Variants in PIEZO2 observed in about 807,000 individuals in gnomAD.
PIEZO2 encodes the protein piezo-type mechanosensitive ion channel component 2.
Under a neutral mutation model 337.3 loss-of-function variants are expected in PIEZO2, and 172 were observed. The ratio of observed to expected loss-of-function variants is 0.51; its 90% CI spans 0.45 to 0.58. The LOEUF is 0.58. Among genes scored for constraint, PIEZO2 ranks in the 20% least tolerant of loss-of-function variants. The pLI is 0.00. For missense variants in PIEZO2, 3,028 were observed against 3,391.3 expected (o/e 0.89, Z 2.66); for synonymous variants, 1,251 against 1,228.5 (o/e 1.02, Z -0.38).
chr18:10,875,081 T>G (rs370905502), intron 4 of PIEZO2, among the ~76,000 whole-genome samples: 1 of 152,106 alleles, frequency 6.6e-6, no homozygotes, highest in Non-Finnish European at 1.5e-5. Context: ...CCCCAAAATA[T>G]GTACAATTAT....
At position 10,953,112 on chromosome 18, in the gene PIEZO2, A is replaced by G. The variant is rs2033371215; in HGVS notation, c.286+26423T>C. ...AGATGTTTCCTTAGTATTGAGTTTT[A>G]AGAGTTCTTCATAAATACTGGATAC... On this transcript the variant is annotated intron_variant, in intron 3 of 55. Transcript: ENST00000674853. The surrounding 1 kb of genome is among the most constrained non-coding windows in gnomAD (Gnocchi z 5.2). 1.3e-5 allele frequency among the ~76,000 whole-genome samples: 2 copies of G among 152,200 alleles called. No homozygotes were observed. Among genetic ancestry groups the G allele is most frequent in the South Asian group, 4.1e-4 (2 of 4,832 alleles).
At chr18:10,840,070 AGCAT>A (rs1315429688) in intron 7 of PIEZO2, among the ~76,000 whole-genome samples, 1 of 152,208 alleles carries the variant, frequency 6.6e-6, no homozygotes, top group African/African-American at 2.4e-5. Context: ...ATATTGTGGT[AGCAT>A]GACCTGACAA....
At position 10,676,593 on chromosome 18, in the gene PIEZO2, A is replaced by C. The variant is rs1717286009; in HGVS notation, c.8081+1154T>G. 6.6e-6 allele frequency among the ~76,000 whole-genome samples: 1 copy of C among 152,204 alleles called. No individual in the cohort carries two copies. The highest frequency in any genetic ancestry group is 2.4e-5 in the African/African-American group (1 of 41,442). The stretch of plus-strand genomic sequence containing the variant: ...CCCATTCAGAGACCCAGGGGCAGGA[A>C]TAATAGTAGAAAAGGGTCTCACAGG... On this transcript the variant is annotated intron_variant, in intron 53 of 55. Coordinates refer to ENST00000674853, the MANE Select transcript of PIEZO2 (RefSeq NM_001378183.1). This position sits in a 1 kb window ranked among gnomAD's most constrained non-coding sequence, Gnocchi z 5.1.
Position 10,672,912 on chromosome 18 carries a change from A to T in PIEZO2, c.8162-39T>A. 6.6e-7 allele frequency: 1 copy of T among 1,523,132 alleles called. No individual in the cohort carries two copies. The highest frequency in any genetic ancestry group is 1.4e-5 in the African/African-American group (1 of 72,278). The allele number at this position is 1,523,132 out of a possible 1,614,324, so 94.4% of individuals were successfully genotyped here. A position where few individuals can be genotyped will look rare whatever the true frequency, so the allele number is the denominator to read the frequency against. On this transcript the variant is annotated intron_variant, in intron 54 of 55. Transcript: ENST00000674853. The surrounding 1 kb of genome is among the most constrained non-coding windows in gnomAD (Gnocchi z 4.7). ...AATGCAAAATTAAGTTGACATGAGA[A>T]TTTTAGGATTTCATGCACAGCAACA... is the stretch of plus-strand genomic sequence containing the variant.
intron 3 of PIEZO2, among the ~76,000 whole-genome samples, chr18:10,959,351 A>G (rs1241820199): frequency 6.6e-6 from 1 of 152,188 alleles, no homozygotes; most frequent in African/African-American, 2.4e-5. Flanking sequence ...ACACTTAACA[A>G]TTATCTAAAG....
intron 36 of PIEZO2, among the ~76,000 whole-genome samples, chr18:10,719,752 T>C (rs1004367571): frequency 1.3e-5 from 2 of 152,198 alleles, no homozygotes; most frequent in Admixed American, 1.3e-4. Context: ...TAGTTCTATG[T>C]TTAGTTCTTT....
Position 10,725,598 on chromosome 18 carries a change from G to C in PIEZO2, c.5029+5809C>G, listed in dbSNP as rs2036502661. On this transcript the variant is annotated intron_variant, in intron 36 of 55. Transcript: ENST00000674853. ...CCTGAGGTCGGGGCTTTCCCTTCCTGAGCAGCCGCCTCCGCCCTCTGGCTC... is the reference window on the plus strand; with the variant it reads ...CCTGAGGTCGGGGCTTTCCCTTCCTCAGCAGCCGCCTCCGCCCTCTGGCTC... 3.7e-6 allele frequency: 5 copies of C among 1,334,450 alleles called. No homozygotes were observed. In the South Asian group the frequency reaches 6.1e-5, roughly 16 times the overall value. 82.7% of individuals were successfully genotyped at this position (1,334,450 alleles called of 1,614,324 possible). A position where few individuals can be genotyped will look rare whatever the true frequency, so the allele number is the denominator to read the frequency against.
chr18:11,115,650 T>C (rs917503494), intron 1 of PIEZO2, among the ~76,000 whole-genome samples: 1 of 152,218 alleles, frequency 6.6e-6, no homozygotes, highest in Non-Finnish European at 1.5e-5. Flanking sequence ...GGAGAACATA[T>C]GTAACCTTCA....
At chr18:10,699,711 A>AC (rs56203443) in intron 43 of PIEZO2, among the ~76,000 whole-genome samples, 35,300 of 152,018 alleles carry the variant, frequency 0.23, 4,585 homozygotes, top group East Asian at 0.56. Context: ...GTGGGTATAG[A>AC]TAATAAGATT....
rs984913669 is a variant in PIEZO2, at chr18:10,731,640, G to C, written c.4915-119C>G. ...CCTCCCAACACAAACTAAACATCCC[G>C]GGCTATTTTTATTATCATGAGATTC... On this transcript the variant is annotated intron_variant, in intron 35 of 55. Transcript: ENST00000674853. The C allele has an allele frequency of 1.3e-5, 7 of 529,302 alleles. No homozygotes were observed. The East Asian group carries it at 2.4e-4, about 19-fold the overall frequency. 32.8% of individuals were successfully genotyped at this position (529,302 alleles called of 1,614,324 possible). A position where few individuals can be genotyped will look rare whatever the true frequency, so the allele number is the denominator to read the frequency against.
intron 1 of PIEZO2, among the ~76,000 whole-genome samples, chr18:11,117,037 A>T (rs1056105324): frequency 5.9e-5 from 9 of 152,218 alleles, no homozygotes; most frequent in African/African-American, 2.2e-4. Context: ...TGAACCTGGG[A>T]GGTGGAGGTT....
At chr18:10,735,829 C>T (rs531562776) in intron 34 of PIEZO2, among the ~76,000 whole-genome samples, 2 of 152,286 alleles carry the variant, frequency 1.3e-5, no homozygotes, top group South Asian at 2.1e-4. Flanking sequence ...GGCCTTATCA[C>T]GGGCATATCA....
intron 33 of PIEZO2, chr18:10,739,807 G>A (rs1280488629): frequency 1.3e-5 from 2 of 151,954 alleles, no homozygotes; most frequent in South Asian, 2.1e-4. Flanking sequence ...TCAATATTTG[G>A]GATTAAATTT....
chr18:10,742,117 T>C (rs914298387), intron 32 of PIEZO2, among the ~76,000 whole-genome samples: 5 of 152,146 alleles, frequency 3.3e-5, no homozygotes, highest in African/African-American at 1.2e-4. Context: ...ATCTCGCCAC[T>C]GCACTCCAGC....
At position 11,099,703 on chromosome 18, in the gene PIEZO2, C is replaced by T. The variant is rs1371095283; in HGVS notation, c.65-33481G>A. On this transcript the variant is annotated intron_variant, in intron 1 of 55. Transcript: ENST00000674853. This position sits in a 1 kb window ranked among gnomAD's most constrained non-coding sequence, Gnocchi z 5.4. ...GCTGATCTTGACCTCAGGTGATCTG[C>T]CCACCTCGGCCTCCCAAAGTACTGG... Among the ~76,000 whole-genome samples, 2 of 152,192 alleles carry T rather than the reference C, an allele frequency of 1.3e-5. No homozygotes were observed. The highest frequency in any genetic ancestry group is 2.4e-5 in the African/African-American group (1 of 41,440).
chr18:10,870,177 G>A lies in PIEZO2; in HGVS notation c.492+1076C>T, dbSNP rs1454502748. On this transcript the variant is annotated intron_variant, in intron 5 of 55. Coordinates refer to ENST00000674853, the MANE Select transcript of PIEZO2 (RefSeq NM_001378183.1). The surrounding 1 kb of genome is among the most constrained non-coding windows in gnomAD (Gnocchi z 5.3). ...AGGTCTGAGCCACAGTGCCTGGCTAGACAATATCATTTCTAGTTTGCATAG... is the reference window on the plus strand; with the variant it reads ...AGGTCTGAGCCACAGTGCCTGGCTAAACAATATCATTTCTAGTTTGCATAG... Among the ~76,000 whole-genome samples the A allele has an allele frequency of 6.6e-6, 1 of 152,160 alleles. No individual in the cohort carries two copies. The highest frequency in any genetic ancestry group is 1.5e-5 in the Non-Finnish European group (1 of 68,024).
chr18:11,078,283 A>C lies in PIEZO2; in HGVS notation c.65-12061T>G, dbSNP rs910080004. 1.3e-5 allele frequency among the ~76,000 whole-genome samples: 2 copies of C among 152,268 alleles called. No homozygotes were observed. Among genetic ancestry groups the C allele is most frequent in the Middle Eastern group, 6.8e-3 (2 of 294 alleles). ...TTCCTACTTTCAAGAACTTAGTAAAAATAGAATTTTTTGTAGACTTTTACT... is the reference window on the plus strand; with the variant it reads ...TTCCTACTTTCAAGAACTTAGTAAACATAGAATTTTTTGTAGACTTTTACT... On this transcript the variant is annotated intron_variant, in intron 1 of 55. Transcript: ENST00000674853. The surrounding 1 kb of genome is among the most constrained non-coding windows in gnomAD (Gnocchi z 5.3).
chr18:10,736,956 A>C (rs559059788), intron 33 of PIEZO2, among the ~76,000 whole-genome samples: 9 of 152,000 alleles, frequency 5.9e-5, no homozygotes, highest in Non-Finnish European at 1.0e-4. Context: ...TGGCCACTAC[A>C]GGGTGGATCT....
At chr18:10,786,902 T>A (rs2039242919) in intron 16 of PIEZO2, 134 bp downstream of exon 16, 1 of 908,020 alleles carries the variant, frequency 1.1e-6, no homozygotes, top group Admixed American at 3.2e-5. Context: ...ACGACTCAGT[T>A]TTAATTTCTA....
Sources: allele counts gnomAD v4.1 joint callset (sites outside exome capture counted in the v4.1 genomes callset), GRCh38; gene constraint gnomAD v4.1.1; non-coding constraint Gnocchi (gnomAD v3.1); transcripts MANE v1.5; gene names NCBI Gene and HGNC (gene_info 2026-07-23, HGNC 2026-07-21).